The following TANC1 variants were observed in gnomAD, a reference collection of about 807,000 sequenced individuals.
TANC1 encodes the protein protein TANC1.
Under a neutral mutation model 149.7 loss-of-function variants are expected in TANC1, and 77 were observed. The observed-to-expected ratio is 0.51, with a 90% confidence interval of 0.43 to 0.62. The LOEUF is 0.62. TANC1 is among the 20% of genes least tolerant of loss of function. The pLI is 0.00. For synonymous variants in TANC1, 854 were observed against 925.0 expected (o/e 0.92, Z 1.39); for missense variants, 1,985 against 2,321.8 (o/e 0.85, Z 2.98).
At chr2:159,172,034 A>C (rs2055312038) in intron 10 of TANC1, 87 bp from the exon 11 acceptor site, 1 of 1,341,204 alleles carries the variant, frequency 7.5e-7, no homozygotes, top group East Asian at 2.3e-5. Context: ...TTATTAAAAT[A>C]TGCCCTGGCA....
chr2:159,220,016 G>GTGTGTGTGTGTGTC (rs777948312), intron 22 of TANC1, 149 bp downstream of exon 22: 2 of 695,294 alleles, frequency 2.9e-6, no homozygotes, highest in Non-Finnish European at 4.6e-6. Context: ...GTGTGTGTGT[G>GTGTGTGTGTGTGTC]TGTGTCTTGT....
chr2:159,147,512 T>C (rs1353614660), intron 5 of TANC1: 1 of 152,400 alleles, frequency 6.6e-6, no homozygotes, highest in African/African-American at 2.4e-5. Context: ...CCGCCCTCCT[T>C]TCCCAAACGC....
chr2:159,041,732 G>A (rs1458555608), intron 2 of TANC1, among the ~76,000 whole-genome samples: 1 of 152,192 alleles, frequency 6.6e-6, no homozygotes, highest in African/African-American at 2.4e-5. Flanking sequence ...CCTACCCCTT[G>A]TACTTCCTGG....
At chr2:159,010,091 T>A (rs550046983) in intron 2 of TANC1, among the ~76,000 whole-genome samples, 2 of 152,330 alleles carry the variant, frequency 1.3e-5, no homozygotes, top group South Asian at 4.1e-4. Flanking sequence ...ATAGCAAATA[T>A]GGACCACTGG....
chr2:159,227,863 A>G lies in TANC1; in HGVS notation c.3948A>G (p.Leu1316=), dbSNP rs1439996733. The change falls in exon 25 of 27, where the codon TTA becomes TTG. Residue 1316 remains leucine (L), a synonymous_variant. Transcript: ENST00000263635. ...CAGCCCAGAGGTACCAGTATGCCTT[A>G]AGAAAGTTTCCTCGAGAAGGATTCG... ...KEAAQRYQYA[L]RKFPREGFGE... is the part of the protein sequence containing the mutation. 1 of 1,614,112 alleles carries G rather than the reference A, an allele frequency of 6.2e-7. No homozygotes were observed. The highest frequency in any genetic ancestry group is 8.5e-7 in the Non-Finnish European group (1 of 1,180,046).
Position 159,219,977 on chromosome 2 carries a change from AGTGTGTGTGTGTGTGTGTGTGTGTGT to A in TANC1, c.3678+129_3678+154del, listed in dbSNP as rs760037919. The stretch of plus-strand genomic sequence containing the variant: ...AGGTTGTGTCTCAGTGTCATCAGAG[AGTGTGTGTGTGTGTGTGTGTGTGTGT>A]GTGTGTGTGTGTGTGTGTCTTGTCA... On this transcript the variant is annotated intron_variant, in intron 22 of 26. Transcript: ENST00000263635. The A allele has an allele frequency of 2.0e-5, 11 of 560,698 alleles. No homozygotes were observed. In the East Asian group the frequency reaches 2.3e-4, roughly 12 times the overall value. 34.7% of individuals were successfully genotyped at this position (560,698 alleles called of 1,614,324 possible).
intron 19 of TANC1, among the ~76,000 whole-genome samples, chr2:159,205,941 A>G (rs1442087578): frequency 6.6e-6 from 1 of 152,226 alleles, no homozygotes; most frequent in Non-Finnish European, 1.5e-5. Context: ...TACACTGAAG[A>G]TACTGGATTT....
chr2:159,018,471 A>G lies in TANC1; in HGVS notation c.-16+17282A>G, dbSNP rs933060105. ...TGCAGGCTACAGTAATTCTTTTTTT[A>G]AAAAACTGTAGTAAAATATATGTAA... On this transcript the variant is annotated intron_variant, in intron 2 of 26. Coordinates refer to ENST00000263635, the MANE Select transcript of TANC1 (RefSeq NM_033394.3). Among the ~76,000 whole-genome samples, 19 of 150,292 alleles carry G rather than the reference A, an allele frequency of 1.3e-4. 1 individual carries two copies. Among genetic ancestry groups the G allele is most frequent in the South Asian group, 1.0e-3 (5 of 4,788 alleles).
chr2:158,978,223 C>T (rs1477302628), intron 1 of TANC1, among the ~76,000 whole-genome samples: 2 of 152,150 alleles, frequency 1.3e-5, no homozygotes, highest in Non-Finnish European at 2.9e-5. Context: ...AGTTGTTAAA[C>T]ATCACTCTGG....
At chr2:159,124,230 T>C (rs938262486) in intron 4 of TANC1, among the ~76,000 whole-genome samples, 3 of 152,060 alleles carry the variant, frequency 2.0e-5, no homozygotes, top group Non-Finnish European at 4.4e-5. Context: ...TGGTGGTGCC[T>C]GTCTGTAGGA....
At chr2:159,147,160 C>A (rs886537938) in intron 5 of TANC1, among the ~76,000 whole-genome samples, 1 of 152,122 alleles carries the variant, frequency 6.6e-6, no homozygotes, top group African/African-American at 2.4e-5. Flanking sequence ...TCTGCCTCCA[C>A]GGCAGCTGCC....
At chr2:159,163,672 C>G in intron 8 of TANC1, 126 bp downstream of exon 8, 1 of 968,220 alleles carries the variant, frequency 1.0e-6, no homozygotes, top group South Asian at 1.7e-5. Context: ...AGGCACTTAC[C>G]TTTTCTAAGC....
At chr2:159,136,136 C>T (rs1431383667) in intron 4 of TANC1, 58 bp from the exon 5 acceptor site, 4 of 1,048,290 alleles carry the variant, frequency 3.8e-6, no homozygotes, top group Non-Finnish European at 6.0e-6. Context: ...ACTGTACATT[C>T]CAAGGCTTTG....
rs1424046465 is a variant in TANC1, at chr2:159,171,867, A to AG, written c.1352-254_1352-253insG. Among the ~76,000 whole-genome samples, 23 of 91,638 alleles carry AG rather than the reference A, an allele frequency of 2.5e-4. 1 individual carries two copies. In the South Asian group the frequency reaches 5.6e-3, roughly 22 times the overall value. 60.1% of individuals were successfully genotyped at this position (91,638 alleles called of 152,430 possible). ...GTGAGACTCCGCCTTAAAAAAAAAA[A>AG]AAAAAAAAGAAAAAGAAAAAAAAAA... On this transcript the variant is annotated intron_variant, in intron 10 of 26. Transcript: ENST00000263635.
At chr2:159,163,667 C>T (rs1362037091) in intron 8 of TANC1, 121 bp downstream of exon 8, 25 of 1,047,178 alleles carry the variant, frequency 2.4e-5, no homozygotes, top group Non-Finnish European at 3.4e-5. Context: ...GGGTCAGGCA[C>T]TTACCTTTTC....
chr2:159,088,888 A>T (rs1259957663), intron 3 of TANC1, among the ~76,000 whole-genome samples: 1 of 152,142 alleles, frequency 6.6e-6, no homozygotes, highest in Non-Finnish European at 1.5e-5. Flanking sequence ...CGGTTCACAG[A>T]ATTTTGTTCT....
intron 22 of TANC1, among the ~76,000 whole-genome samples, chr2:159,223,286 C>G (rs1407824194): frequency 2.6e-5 from 4 of 151,978 alleles, no homozygotes; most frequent in African/African-American, 9.7e-5. Context: ...GTCTGAGGTG[C>G]TTTTTTTAAT....
intron 8 of TANC1, among the ~76,000 whole-genome samples, chr2:159,164,668 A>T (rs1391837020): frequency 2.0e-5 from 3 of 152,204 alleles, no homozygotes; most frequent in Non-Finnish European, 4.4e-5. Flanking sequence ...AGGGACCCAG[A>T]TTCTCCGCTC....
chr2:158,980,212 G>A (rs2034140242), intron 1 of TANC1, among the ~76,000 whole-genome samples: 3 of 151,946 alleles, frequency 2.0e-5, no homozygotes, highest in African/African-American at 4.8e-5. Flanking sequence ...CTTAGATCTA[G>A]TGTTCATTAT....
Sources: allele counts gnomAD v4.1 joint callset (sites outside exome capture counted in the v4.1 genomes callset), GRCh38; gene constraint gnomAD v4.1.1; transcripts MANE v1.5; gene names NCBI Gene and HGNC (gene_info 2026-07-23, HGNC 2026-07-21).